COX11: variants seen among roughly 807,000 people sequenced by gnomAD.
COX11 encodes the protein cytochrome c oxidase assembly protein COX11, mitochondrial.
COX11 carries 18 observed loss-of-function variants against 29.4 expected under a neutral mutation model. The ratio of observed to expected loss-of-function variants is 0.61; its 90% CI spans 0.42 to 0.91. COX11 has a LOEUF of 0.91. Among genes scored for constraint, COX11 ranks in the 40% least tolerant of loss-of-function variants. The pLI is 0.00. For synonymous variants in COX11, 131 were observed against 124.0 expected, an observed-to-expected ratio of 1.06 and a Z score of -0.38; for missense variants, 312 against 346.0, an observed-to-expected ratio of 0.90 and a Z score of 0.78.
At chr17:54,963,231 C>G (rs1480331464) in intron 3 of COX11, 75 bp downstream of exon 3, 1 of 1,492,292 alleles carries the variant, frequency 6.7e-7, no homozygotes. Flanking sequence ...ACAAGATCTA[C>G]TAAAACACTA....
downstream of COX11, among the ~76,000 whole-genome samples, chr17:54,956,609 TTTTAA>T (rs577480833): frequency 9.0e-4 from 137 of 151,984 alleles, no homozygotes; most frequent in Non-Finnish European, 1.7e-3. Context: ...GTGCCTAGCC[TTTTAA>T]TTTTTTTCTT....
At chr17:54,968,172 C>T in intron 1 of COX11, 109 bp downstream of exon 1, 1 of 1,491,428 alleles carries the variant, frequency 6.7e-7, no homozygotes. Context: ...TAGATAATAT[C>T]GGAAACCTCT....
chr17:54,962,384 G>A lies in COX11; in HGVS notation c.*349C>T. 1 of 995,010 alleles carries A rather than the reference G, an allele frequency of 1.0e-6. No homozygotes were observed. Among genetic ancestry groups the A allele is most frequent in the African/African-American group, 1.7e-5 (1 of 57,534 alleles). The allele number at this position is 995,010 out of a possible 1,614,324, so 61.6% of individuals were successfully genotyped here. A position where few individuals can be genotyped will look rare whatever the true frequency, so the allele number is the denominator to read the frequency against. On this transcript the variant is annotated 3_prime_UTR_variant, in exon 4 of 4. Coordinates refer to ENST00000299335, the MANE Select transcript of COX11 (RefSeq NM_004375.5). The stretch of plus-strand genomic sequence containing the variant: ...TGAGCATACATTTTTGAAAAACATT[G>A]TCAGATTCATTGCTGTAAGTATGAA...
intron 1 of COX11, 45 bp downstream of exon 1, chr17:54,968,236 C>T: frequency 8.2e-6 from 13 of 1,586,278 alleles, no homozygotes; most frequent in Non-Finnish European, 1.1e-5. Flanking sequence ...CTTGCACCCC[C>T]ACCTCTCGCG....
Position 54,962,006 on chromosome 17 carries a change from A to G in COX11, c.*727T>C. The G allele has an allele frequency of 1.0e-6, 1 of 982,692 alleles. No individual in the cohort carries two copies. The highest frequency in any genetic ancestry group is 1.2e-6 in the Non-Finnish European group (1 of 827,552). 60.9% of individuals were successfully genotyped at this position (982,692 alleles called of 1,614,324 possible). A position where few individuals can be genotyped will look rare whatever the true frequency, so the allele number is the denominator to read the frequency against. On this transcript the variant is annotated 3_prime_UTR_variant, in exon 4 of 4. Transcript: ENST00000299335. ...AGGTTTGTTTCCAGAAGAACTTTTG[A>G]TGTCAGTAAATCTTCACAATCCCAC...
At chr17:54,956,327 C>CA (rs1018043716), downstream of COX11, among the ~76,000 whole-genome samples, 1 of 151,866 alleles carries the variant, frequency 6.6e-6, no homozygotes, top group Non-Finnish European at 1.5e-5. Flanking sequence ...TTTTTTGAGA[C>CA]AGAGTGTCAC....
chr17:54,968,560 T>A lies in COX11; in HGVS notation c.87A>T (p.Ala29=). The A allele has an allele frequency of 3.7e-6, 6 of 1,613,084 alleles. No individual in the cohort carries two copies. The highest frequency in any genetic ancestry group is 5.1e-6 in the Non-Finnish European group (6 of 1,180,014). The change falls in exon 1 of 4, where the codon GCA becomes GCT. Residue 29 remains alanine, a synonymous_variant. Transcript: ENST00000299335. The part of the protein sequence containing the change: ...WIHPGSPTRA[A]ERVEPFLRPE... ...GCCTAAGAAACGGCTCTACCCTCTC[T>A]GCAGCCCTGGTTGGAGACCCAGGGT...
chr17:54,966,897 CG>C (rs1417961913), intron 1 of COX11, among the ~76,000 whole-genome samples: 1 of 152,196 alleles, frequency 6.6e-6, no homozygotes, highest in Admixed American at 6.5e-5. Context: ...TTGATTTCCA[CG>C]GGCATGGTGG....
In COX11 at chr17:54,962,676, T is replaced by C. The variant is rs534164114; in HGVS notation, c.*57A>G. On this transcript the variant is annotated 3_prime_UTR_variant, in exon 4 of 4. Transcript: ENST00000299335. ...GTACAATATTTCTCCTTTGAGAAGA[T>C]AGGATATATGATTTTCCCAAAAATC... 6.5e-5 allele frequency: 102 copies of C among 1,569,052 alleles called. No homozygotes were observed. The highest frequency in any genetic ancestry group is 7.6e-5 in the Non-Finnish European group (88 of 1,158,050).
downstream of COX11, among the ~76,000 whole-genome samples, chr17:54,958,725 C>A (rs1425605312): frequency 2.0e-5 from 1 of 49,936 alleles, no homozygotes; most frequent in Non-Finnish European, 4.1e-5. Context: ...AGTGAAACTC[C>A]ATCTCAAAAA....
chr17:54,966,531 C>T (rs1192907842), intron 1 of COX11, among the ~76,000 whole-genome samples: 1 of 152,120 alleles, frequency 6.6e-6, no homozygotes, highest in Non-Finnish European at 1.5e-5. Context: ...TATTTAGTAG[C>T]ATTCCTAGCC....
exon 1 of COX11, chr17:54,954,965 A>G (rs1009433141): frequency 2.0e-5 from 3 of 152,210 alleles, no homozygotes; most frequent in Non-Finnish European, 1.5e-5. Context: ...AGGCTGTATT[A>G]CAGTAATATA....
At position 54,963,376 on chromosome 17, in the gene COX11, T is replaced by C. The variant is rs2077164700; in HGVS notation, c.578A>G (p.Lys193Arg). The change falls in exon 3 of 4, where the codon AAA becomes AGA. Residue 193 changes from lysine to arginine, a missense_variant. By Grantham distance (26) the Lys-to-Arg change is conservative. This residue lies in a region of COX11 where 182 missense variants were observed against 240.0 expected (regional missense o/e 0.76). Coordinates refer to ENST00000299335, the MANE Select transcript of COX11 (RefSeq NM_004375.5). Reference sequence around the variant, plus strand: ...GTATGTAGAAATTCCAATTACTGGTTTGTCAGTAGGATTCTTAGCTCTGTA... The same window carrying C: ...GTATGTAGAAATTCCAATTACTGGTCTGTCAGTAGGATTCTTAGCTCTGTA... Reference protein sequence around the residue: ...AFYRAKNPTDKPVIGISTYNI... With the variant: ...AFYRAKNPTDRPVIGISTYNI... The C allele has an allele frequency of 1.1e-5, 17 of 1,612,508 alleles. No individual in the cohort carries two copies. The East Asian group carries it at 3.8e-4, about 36-fold the overall frequency.
intron 3 of COX11, 179 bp from the exon 4 acceptor site, chr17:54,963,094 G>T: frequency 1.3e-6 from 1 of 782,392 alleles, no homozygotes. Flanking sequence ...TCTGCTTTAA[G>T]GATGAAGAAC....
Position 54,961,349 on chromosome 17 carries a change from G to T in COX11, c.*1384C>A. On this transcript the variant is annotated 3_prime_UTR_variant, in exon 4 of 4. Transcript: ENST00000299335. ...TACCTACCAACATGTCAAAGCCATG[G>T]TGGCACATTTCTGCTATAATGAAGA... The T allele has an allele frequency of 1.3e-6, 2 of 1,551,362 alleles. No individual in the cohort carries two copies. Among genetic ancestry groups the T allele is most frequent in the Non-Finnish European group, 1.7e-6 (2 of 1,146,818 alleles).
At chr17:54,967,507 G>A (rs960093094) in intron 1 of COX11, among the ~76,000 whole-genome samples, 3 of 152,170 alleles carry the variant, frequency 2.0e-5, no homozygotes, top group Non-Finnish European at 4.4e-5. Flanking sequence ...GTCTTTGCCT[G>A]TGGTTCTCAA....
At chr17:54,966,791 T>C (rs2077223962) in intron 1 of COX11, among the ~76,000 whole-genome samples, 1 of 152,226 alleles carries the variant, frequency 6.6e-6, no homozygotes, top group Non-Finnish European at 1.5e-5. Context: ...CAAAATCAAC[T>C]ATTGCACATT....
upstream of COX11, chr17:54,955,255 C>A (rs890058600): frequency 6.6e-6 from 1 of 152,248 alleles, no homozygotes; most frequent in African/African-American, 2.4e-5. Context: ...TCGGTCCGGG[C>A]AGCCTCCCAG....
exon 1 of COX11, chr17:54,954,632 C>A (rs947031756): frequency 1.3e-5 from 2 of 152,238 alleles, no homozygotes; most frequent in East Asian, 3.9e-4. Context: ...GGTTCCAGTC[C>A]CCGAGTAGAG....
Sources: allele counts gnomAD v4.1 joint callset (sites outside exome capture counted in the v4.1 genomes callset), GRCh38; gene constraint gnomAD v4.1.1; regional missense constraint gnomAD v4.1.1; transcripts MANE v1.5; gene names NCBI Gene and HGNC (gene_info 2026-07-23, HGNC 2026-07-21).